NFIA: variants seen among roughly 807,000 people sequenced by gnomAD.
NFIA encodes nuclear factor 1 A-type.
In NFIA, 8 loss-of-function variants were observed where a neutral mutation model predicts 62.8. The ratio of observed to expected loss-of-function variants is 0.13; its 90% CI spans 0.07 to 0.23. The LOEUF (loss-of-function observed/expected upper bound fraction) is 0.23. Among genes scored for constraint, NFIA ranks in the 10% least tolerant of loss-of-function variants. The probability of loss-of-function intolerance (pLI) is 1.00; values close to 1 mark genes in which losing one functional copy is unlikely to be tolerated. For missense variants in NFIA, 410 were observed against 642.1 expected (o/e 0.64, Z 3.91); for synonymous variants, 235 against 238.1 (o/e 0.99, Z 0.12).
chr1:61,077,460 T>A (rs894618984), upstream of NFIA: 3 of 519,014 alleles, frequency 5.8e-6, no homozygotes, highest in Non-Finnish European at 9.4e-6. Flanking sequence ...AAAAAAATTC[T>A]CCAAGAAGCC....
intron 2 of NFIA, among the ~76,000 whole-genome samples, chr1:61,161,422 A>G (rs1043836989): frequency 2.0e-5 from 3 of 152,190 alleles, no homozygotes; most frequent in African/African-American, 7.2e-5. Flanking sequence ...CAGAGCAGCA[A>G]ATAAAGTCAT....
At chr1:61,130,149 G>T (rs1031481182) in intron 2 of NFIA, among the ~76,000 whole-genome samples, 1 of 152,114 alleles carries the variant, frequency 6.6e-6, no homozygotes, top group African/African-American at 2.4e-5. Context: ...GACTTACTCA[G>T]CAATCACTTC....
intron 4 of NFIA, among the ~76,000 whole-genome samples, chr1:61,349,721 C>T (rs1236551995): frequency 2.0e-5 from 3 of 152,124 alleles, no homozygotes; most frequent in Non-Finnish European, 2.9e-5. Context: ...ACTACAGGCA[C>T]GTGTCACTAC....
At chr1:61,338,790 G>A (rs181602805) in intron 4 of NFIA, among the ~76,000 whole-genome samples, 73 of 152,266 alleles carry the variant, frequency 4.8e-4, no homozygotes, top group South Asian at 1.7e-3. Context: ...TTAAACATTC[G>A]CAGTACTTTA....
At chr1:61,448,272 C>T (rs1667908032) in intron 10 of NFIA, among the ~76,000 whole-genome samples, 1 of 152,156 alleles carries the variant, frequency 6.6e-6, no homozygotes, top group Admixed American at 6.5e-5. Context: ...GTGGGTTTCA[C>T]CGCTCTGATT....
intron 2 of NFIA, among the ~76,000 whole-genome samples, chr1:61,255,817 A>G (rs974917392): frequency 6.6e-6 from 1 of 152,182 alleles, no homozygotes; most frequent in Non-Finnish European, 1.5e-5. Context: ...CATACAATTT[A>G]TATATCACAG....
rs80120140 is a variant in NFIA at position 61,333,626 on chromosome 1, A to G, written c.700+1040A>G. Among the ~76,000 whole-genome samples the G allele has an allele frequency of 4.1e-3, 624 of 152,354 alleles. 7 individuals carry two copies. The highest frequency in any genetic ancestry group is 0.014 in the African/African-American group (600 of 41,582). On this transcript the variant is annotated intron_variant, in intron 4 of 10. Coordinates refer to ENST00000403491, the MANE Select transcript of NFIA (RefSeq NM_001134673.4). ...TAAGGTACATAAGTTAATCCTTGCAATAAGCTTTTCAGACAAGAAATTACC... is the reference window on the plus strand; with the variant it reads ...TAAGGTACATAAGTTAATCCTTGCAGTAAGCTTTTCAGACAAGAAATTACC...
intron 2 of NFIA, among the ~76,000 whole-genome samples, chr1:61,099,496 C>G (rs548263195): frequency 2.0e-5 from 3 of 152,290 alleles, no homozygotes; most frequent in African/African-American, 4.8e-5. Context: ...GGTACCATTT[C>G]TTAGGATTTG....
chr1:61,300,234 C>T (rs1659423261), intron 3 of NFIA, among the ~76,000 whole-genome samples: 1 of 152,150 alleles, frequency 6.6e-6, no homozygotes, highest in African/African-American at 2.4e-5. Flanking sequence ...CAATTACACT[C>T]TAGAGTTTTA....
rs751098652 is a variant in NFIA, at chr1:61,352,499, A to C, written c.750A>C (p.Glu250Asp). The change falls in exon 5 of 11, where the codon GAA (glutamate) becomes GAC (aspartate). Residue 250 changes from glutamate to aspartate, a missense_variant. Coordinates refer to ENST00000403491, the MANE Select transcript of NFIA (RefSeq NM_001134673.4). ...CAAATTTTTCTCTCTCAGATTTGGA[A>C]AGTTCTTCATACTACAGCATGAGTC... ...TGPNFSLSDL[E>D]SSSYYSMSPG... The C allele has an allele frequency of 3.1e-6, 5 of 1,613,908 alleles. No individual in the cohort carries two copies. In the African/African-American group the frequency reaches 6.7e-5, roughly 22 times the overall value.
chr1:61,270,808 G>A (rs1024512921), intron 2 of NFIA, among the ~76,000 whole-genome samples: 5 of 152,160 alleles, frequency 3.3e-5, no homozygotes, highest in African/African-American at 9.7e-5. Context: ...GTAGGTGATC[G>A]GGTAGACTCA....
chr1:61,287,129 G>GT (rs149059344), intron 3 of NFIA, among the ~76,000 whole-genome samples: 2,533 of 152,300 alleles, frequency 0.017, 31 homozygotes, highest in Middle Eastern at 0.044. Context: ...TCTTGGTACA[G>GT]TAGATATGTC....
chr1:61,411,085 G>A (rs1252562961), intron 9 of NFIA, among the ~76,000 whole-genome samples: 1 of 152,082 alleles, frequency 6.6e-6, no homozygotes, highest in Admixed American at 6.6e-5. Flanking sequence ...GTGCTGTGCT[G>A]TAGACGGTTA....
At position 61,458,576 on chromosome 1, in the gene NFIA, C is replaced by G. The variant is rs1270890069; in HGVS notation, c.*3256C>G. 1 of 152,018 alleles carries G rather than the reference C, an allele frequency of 6.6e-6. No individual in the cohort carries two copies. The highest frequency in any genetic ancestry group is 1.5e-5 in the Non-Finnish European group (1 of 67,998). 9.4% of individuals were successfully genotyped at this position (152,018 alleles called of 1,614,324 possible). A position where few individuals can be genotyped will look rare whatever the true frequency, so the allele number is the denominator to read the frequency against. ...TGAGGAAAAATTTCTGTCAAATTAG[C>G]CTAGTAAAATTTCTGATCGTTCATT... On this transcript the variant is annotated 3_prime_UTR_variant, in exon 11 of 11. Coordinates refer to ENST00000403491, the MANE Select transcript of NFIA (RefSeq NM_001134673.4).
rs370393181 is a variant in NFIA at position 61,185,673 on chromosome 1, A to T, written c.560-91847A>T. On this transcript the variant is annotated intron_variant, in intron 2 of 10. Coordinates refer to ENST00000403491, the MANE Select transcript of NFIA (RefSeq NM_001134673.4). ...TTTTTTTTTAACCGTGACTCCTTAG[A>T]TGCTCCAGCCATACTGGTTTCCTTT... Among the ~76,000 whole-genome samples, 131 of 139,552 alleles carry T rather than the reference A, an allele frequency of 9.4e-4. 2 individuals are homozygous for T. The South Asian group carries it at 0.021, about 22-fold the overall frequency. The allele number at this position is 139,552 out of a possible 152,430, so 91.6% of individuals were successfully genotyped here. A position where few individuals can be genotyped will look rare whatever the true frequency, so the allele number is the denominator to read the frequency against.
upstream of NFIA, chr1:61,081,886 T>C: frequency 2.6e-6 from 4 of 1,543,660 alleles, no homozygotes; most frequent in Non-Finnish European, 3.5e-6. Flanking sequence ...CTTACCGCAT[T>C]TCAGTGGGGG....
intron 3 of NFIA, among the ~76,000 whole-genome samples, chr1:61,329,929 G>A (rs1194739945): frequency 1.3e-5 from 2 of 152,178 alleles, no homozygotes; most frequent in African/African-American, 4.8e-5. Flanking sequence ...GGAAGGTCCT[G>A]AGCCACAGTC....
intron 2 of NFIA, among the ~76,000 whole-genome samples, chr1:61,259,765 G>A (rs1656641228): frequency 6.6e-6 from 1 of 152,140 alleles, no homozygotes; most frequent in Non-Finnish European, 1.5e-5. Context: ...CAATTTTTGG[G>A]ACAGTTTAAC....
chr1:61,084,523 A>G (rs1035341124), intron 1 of NFIA, among the ~76,000 whole-genome samples: 2 of 152,082 alleles, frequency 1.3e-5, no homozygotes, highest in African/African-American at 4.8e-5. Context: ...AAGGTTCACA[A>G]TTGCATATGG....
Sources: gnomAD v4.1 joint callset for allele counts (sites outside exome capture counted in the v4.1 genomes callset) on GRCh38, gnomAD v4.1.1 for gene constraint, MANE v1.5 for transcripts, NCBI Gene and HGNC (gene_info 2026-07-23, HGNC 2026-07-21) for gene names.